The following PKNOX2 variants were observed in gnomAD, a reference collection of about 807,000 sequenced individuals.
PKNOX2 encodes homeobox protein PKNOX2.
PKNOX2 carries 14 observed loss-of-function variants against 53.1 expected under a neutral mutation model. The observed-to-expected ratio is 0.26, with a 90% CI of 0.17 to 0.41. The LOEUF (loss-of-function observed/expected upper bound fraction) is 0.41, where lower values mean the gene tolerates loss of function less well. PKNOX2 is among the 10% of genes least tolerant of loss of function. PKNOX2 has a pLI of 1.00. For missense variants in PKNOX2, 496 were observed against 602.8 expected (o/e 0.82, Z 1.85); for synonymous variants, 257 against 242.8 (o/e 1.06, Z -0.54).
At chr11:125,209,044 G>T (rs1939505911) in intron 1 of PKNOX2, among the ~76,000 whole-genome samples, 1 of 152,080 alleles carries the variant, frequency 6.6e-6, no homozygotes, top group African/African-American at 2.4e-5. Flanking sequence ...GTTTGGTGGT[G>T]AAAGGGAAGA....
chr11:125,214,703 G>T (rs1309566696), intron 1 of PKNOX2, among the ~76,000 whole-genome samples: 1 of 151,988 alleles, frequency 6.6e-6, no homozygotes, highest in East Asian at 1.9e-4. Context: ...GGGGTGGAGG[G>T]GATGGGGTGC....
intron 7 of PKNOX2, among the ~76,000 whole-genome samples, chr11:125,408,458 G>A (rs1565518882): frequency 6.6e-6 from 1 of 152,176 alleles, no homozygotes; most frequent in Non-Finnish European, 1.5e-5. Context: ...GGCCTCCATC[G>A]CCCCACCCAC....
At chr11:125,419,983 C>T (rs941027809) in intron 10 of PKNOX2, among the ~76,000 whole-genome samples, 6 of 150,528 alleles carry the variant, frequency 4.0e-5, no homozygotes, top group Non-Finnish European at 7.4e-5. Context: ...TCTAAGAATT[C>T]GAGACCAGCC....
At chr11:125,182,787 G>A (rs911772164) in intron 1 of PKNOX2, among the ~76,000 whole-genome samples, 1 of 152,214 alleles carries the variant, frequency 6.6e-6, no homozygotes, top group Non-Finnish European at 1.5e-5. Context: ...ACAGAGAAGG[G>A]CCTGGGGAAG....
intron 2 of PKNOX2, among the ~76,000 whole-genome samples, chr11:125,243,985 C>T (rs1943369904): frequency 6.6e-6 from 1 of 152,120 alleles, no homozygotes; most frequent in Admixed American, 6.5e-5. Flanking sequence ...AGGTACTGGG[C>T]TTCACTCATT....
At position 125,206,021 on chromosome 11, in the gene PKNOX2, G is replaced by A. The variant is rs146995419; in HGVS notation, c.-200-29024G>A. 5.9e-3 allele frequency among the ~76,000 whole-genome samples: 896 copies of A among 152,126 alleles called. 15 individuals carry two copies. Among genetic ancestry groups the A allele is most frequent in the African/African-American group, 0.021 (872 of 41,530 alleles). ...GAAAGAGATGGCTGTGCACCGGGGT[G>A]ATCTGGGATCTGAAATGACCGGGGC... is the stretch of plus-strand genomic sequence containing the variant. On this transcript the variant is annotated intron_variant, in intron 1 of 12. Coordinates refer to ENST00000298282, the MANE Select transcript of PKNOX2 (RefSeq NM_001382323.2).
intron 1 of PKNOX2, among the ~76,000 whole-genome samples, chr11:125,187,734 C>G (rs748554859): frequency 1.3e-5 from 2 of 152,064 alleles, no homozygotes; most frequent in Non-Finnish European, 2.9e-5. Flanking sequence ...AAGAGGCATC[C>G]TGTCTTATTC....
At position 125,278,181 on chromosome 11, in the gene PKNOX2, T is replaced by C. The variant is rs377295716; in HGVS notation, c.-130+43066T>C. Among the ~76,000 whole-genome samples the C allele has an allele frequency of 4.8e-4, 71 of 147,302 alleles. 1 individual carries two copies. The South Asian group carries it at 8.1e-3, about 17-fold the overall frequency. On this transcript the variant is annotated intron_variant, in intron 2 of 12. Transcript: ENST00000298282. ...CTGCAGTGAGCTGTGATTGCACCACTGCATGCCCACTTGGGCAACAGAGTG... is the reference window on the plus strand; with the variant it reads ...CTGCAGTGAGCTGTGATTGCACCACCGCATGCCCACTTGGGCAACAGAGTG...
chr11:125,274,523 A>G (rs779776130), intron 2 of PKNOX2, among the ~76,000 whole-genome samples: 5 of 152,082 alleles, frequency 3.3e-5, no homozygotes, highest in South Asian at 2.1e-4. Flanking sequence ...TTTGTTTTTC[A>G]CCTTTTATAG....
intron 2 of PKNOX2, among the ~76,000 whole-genome samples, chr11:125,267,630 C>T (rs571316379): frequency 9.8e-5 from 15 of 152,322 alleles, no homozygotes; most frequent in African/African-American, 3.4e-4. Flanking sequence ...CATCTCCCAG[C>T]GCCAGACTGA....
intron 2 of PKNOX2, among the ~76,000 whole-genome samples, chr11:125,295,495 A>G (rs1443872987): frequency 6.6e-6 from 1 of 152,240 alleles, no homozygotes; most frequent in Non-Finnish European, 1.5e-5. Flanking sequence ...CCACTCTCAG[A>G]GCCAGAGAGC....
intron 10 of PKNOX2, among the ~76,000 whole-genome samples, chr11:125,424,025 C>A (rs1406051441): frequency 6.6e-6 from 1 of 151,792 alleles, no homozygotes; most frequent in Non-Finnish European, 1.5e-5. Context: ...TCAACTAGGT[C>A]ATCATGTTTA....
intron 5 of PKNOX2, among the ~76,000 whole-genome samples, chr11:125,383,102 G>T (rs775973111): frequency 6.6e-6 from 1 of 152,156 alleles, no homozygotes; most frequent in African/African-American, 2.4e-5. Context: ...CCACCCCTGA[G>T]TCTGAGTAGA....
At chr11:125,171,080 G>A (rs1955282939) in intron 1 of PKNOX2, among the ~76,000 whole-genome samples, 1 of 152,172 alleles carries the variant, frequency 6.6e-6, no homozygotes, top group Non-Finnish European at 1.5e-5. Flanking sequence ...TCATTAGGAC[G>A]TAGTCTTTTG....
At chr11:125,291,345 G>T (rs1205974343) in intron 2 of PKNOX2, among the ~76,000 whole-genome samples, 1 of 152,096 alleles carries the variant, frequency 6.6e-6, no homozygotes, top group African/African-American at 2.4e-5. Context: ...ATACTCCTCA[G>T]CTTGGACTCA....
chr11:125,430,850 A>C (rs1956667906), intron 12 of PKNOX2, among the ~76,000 whole-genome samples: 1 of 152,182 alleles, frequency 6.6e-6, no homozygotes, highest in African/African-American at 2.4e-5. Context: ...CTAATGACTT[A>C]ACTGTCTGAG....
Position 125,240,956 on chromosome 11 carries a change from G to A in PKNOX2, c.-130+5841G>A, listed in dbSNP as rs768918730. ...CCCATTTATCATCAGAGCTAGCCAAGGAGAGCCTCCCGTATCTGGAGGAGC... is the reference window on the plus strand; with the variant it reads ...CCCATTTATCATCAGAGCTAGCCAAAGAGAGCCTCCCGTATCTGGAGGAGC... On this transcript the variant is annotated intron_variant, in intron 2 of 12. Transcript: ENST00000298282. The surrounding 1 kb of genome is among the most constrained non-coding windows in gnomAD (Gnocchi z 4.3). Among the ~76,000 whole-genome samples, 4 of 152,224 alleles carry A rather than the reference G, an allele frequency of 2.6e-5. No individual in the cohort carries two copies. Among genetic ancestry groups the A allele is most frequent in the Non-Finnish European group, 5.9e-5 (4 of 68,046 alleles).
chr11:125,388,097 G>A (rs928659663), intron 6 of PKNOX2, among the ~76,000 whole-genome samples: 18 of 152,078 alleles, frequency 1.2e-4, no homozygotes, highest in South Asian at 6.2e-4. Flanking sequence ...CAAAGAGACC[G>A]TGCGGCCGGG....
At chr11:125,306,820 G>A (rs1179209498) in intron 2 of PKNOX2, among the ~76,000 whole-genome samples, 1 of 152,122 alleles carries the variant, frequency 6.6e-6, no homozygotes, top group Non-Finnish European at 1.5e-5. Flanking sequence ...TGAGAGACCA[G>A]GCCCCACTAC....
Sources: allele counts gnomAD v4.1 joint callset (sites outside exome capture counted in the v4.1 genomes callset), GRCh38; gene constraint gnomAD v4.1.1; non-coding constraint Gnocchi (gnomAD v3.1); transcripts MANE v1.5; gene names NCBI Gene and HGNC (gene_info 2026-07-23, HGNC 2026-07-21).